The following ASGR2 variants were observed in gnomAD, a reference collection of about 807,000 sequenced individuals.
ASGR2 encodes the protein asialoglycoprotein receptor 2, also known as C-type lectin domain family 4 member H2.
A neutral mutation model predicts 32.3 loss-of-function variants in ASGR2; 34 were observed. The observed-to-expected ratio is 1.05, with a 90% confidence interval of 0.80 to 1.40. The LOEUF (loss-of-function observed/expected upper bound fraction) is 1.40. ASGR2 is among the 40% of genes most tolerant of loss of function. ASGR2 has a pLI of 0.00. For synonymous variants in ASGR2, 143 were observed against 150.0 expected, an observed-to-expected ratio of 0.95 and a Z score of 0.34; for missense variants, 385 against 386.4, an observed-to-expected ratio of 1.00 and a Z score of 0.03.
At position 7,108,970 on chromosome 17, in the gene ASGR2, G is replaced by T. The variant is rs1237575897; in HGVS notation, c.125-82C>A. The T allele has an allele frequency of 5.6e-6, 6 of 1,065,674 alleles. No homozygotes were observed. In the African/African-American group the frequency reaches 8.8e-5, roughly 16 times the overall value. The allele number at this position is 1,065,674 out of a possible 1,614,324, so 66.0% of individuals were successfully genotyped here. A position where few individuals can be genotyped will look rare whatever the true frequency, so the allele number is the denominator to read the frequency against. Reference sequence around the variant, plus strand: ...AGACAGGGCACCGAAGCCTGAGGAGGCATAACCTGGGCGGGGGGATTGGTT... The same window carrying T: ...AGACAGGGCACCGAAGCCTGAGGAGTCATAACCTGGGCGGGGGGATTGGTT... On this transcript the variant is annotated intron_variant, in intron 2 of 8. Coordinates refer to ENST00000691900, the MANE Select transcript of ASGR2 (RefSeq NM_001201352.2). The surrounding 1 kb of genome is among the most constrained non-coding windows in gnomAD (Gnocchi z 4.9).
intron 7 of ASGR2, among the ~76,000 whole-genome samples, chr17:7,103,799 A>G (rs1408562646): frequency 6.6e-6 from 1 of 152,110 alleles, no homozygotes; most frequent in African/African-American, 2.4e-5. Context: ...TTATTATTAT[A>G]CTTTAAGTTT....
chr17:7,108,492 G>T lies in ASGR2; in HGVS notation c.307C>A (p.Leu103Met). The change falls in exon 4 of 9, where the codon CTG becomes ATG. Residue 103 changes from leucine to methionine, a missense_variant. Physicochemically the swap from Leu to Met is conservative, Grantham distance 15. Transcript: ENST00000691900. The surrounding 1 kb of genome is among the most constrained non-coding windows in gnomAD (Gnocchi z 4.9). ...GTGCTGATTGCCTGGACCTCCGTCA[G>T]GGTGCTCGAGGAGAAGTTGCTGAAA... ...EAFSNFSSST[L>M]TEVQAISTHG... The T allele has an allele frequency of 1.2e-6, 2 of 1,608,532 alleles. No homozygotes were observed. The highest frequency in any genetic ancestry group is 1.7e-6 in the Non-Finnish European group (2 of 1,177,630).
chr17:7,111,795 G>C (rs1045062502), intron 2 of ASGR2, among the ~76,000 whole-genome samples: 1 of 151,264 alleles, frequency 6.6e-6, no homozygotes, highest in East Asian at 2.0e-4. Flanking sequence ...AGGTCGACAC[G>C]GGGGGAATCA....
At chr17:7,105,154 A>G (rs910076889) in intron 7 of ASGR2, among the ~76,000 whole-genome samples, 1 of 152,142 alleles carries the variant, frequency 6.6e-6, no homozygotes, top group Non-Finnish European at 1.5e-5. Flanking sequence ...AAGTTATACA[A>G]GTAATCACTG....
rs542808960 is a variant in ASGR2, at chr17:7,106,341, G to A, written c.648+659C>T. Among the ~76,000 whole-genome samples, 8 of 152,278 alleles carry A rather than the reference G, an allele frequency of 5.3e-5. No individual in the cohort carries two copies. The East Asian group carries it at 9.7e-4, about 18-fold the overall frequency. ...GGACACACGTTGGCTTCATAGTGAC[G>A]AAAGCACCGTCCACCACGAAGTTGT... On this transcript the variant is annotated intron_variant, in intron 7 of 8. Coordinates refer to ENST00000691900, the MANE Select transcript of ASGR2 (RefSeq NM_001201352.2).
At chr17:7,109,293 A>G (rs1914321831) in intron 2 of ASGR2, among the ~76,000 whole-genome samples, 1 of 152,100 alleles carries the variant, frequency 6.6e-6, no homozygotes, top group Non-Finnish European at 1.5e-5. Context: ...AGCCAGTGGC[A>G]GAGGCCTCCA....
intron 2 of ASGR2, among the ~76,000 whole-genome samples, chr17:7,112,394 G>A (rs1053845054): frequency 6.6e-6 from 1 of 151,944 alleles, no homozygotes; most frequent in African/African-American, 2.4e-5. Flanking sequence ...CCTTCAGACG[G>A]TCCCTCACTG....
At chr17:7,103,390 T>A (rs1187791729) in intron 7 of ASGR2, among the ~76,000 whole-genome samples, 2 of 152,158 alleles carry the variant, frequency 1.3e-5, no homozygotes, top group East Asian at 1.9e-4. Flanking sequence ...GGAGAGAAAG[T>A]GCCTGGAGAC....
Position 7,107,636 on chromosome 17 carries a change from TACACCACACTAC to T in ASGR2, c.409+188_409+199del, listed in dbSNP as rs1288936585. On this transcript the variant is annotated intron_variant, in intron 5 of 8. Coordinates refer to ENST00000691900, the MANE Select transcript of ASGR2 (RefSeq NM_001201352.2). The surrounding 1 kb of genome is among the most constrained non-coding windows in gnomAD (Gnocchi z 5.0). ...TGCATACACACACAACACACACATATACACCACACTACACACCACACACAGATCCATGACATA... is the reference window on the plus strand; with the variant it reads ...TGCATACACACACAACACACACATATACACCACACACAGATCCATGACATA... 1.4e-6 allele frequency: 1 copy of T among 718,090 alleles called. No homozygotes were observed. Among genetic ancestry groups the T allele is most frequent in the Admixed American group, 2.2e-5 (1 of 45,344 alleles). The allele number at this position is 718,090 out of a possible 1,614,324, so 44.5% of individuals were successfully genotyped here.
At chr17:7,104,879 G>C (rs1011886163) in intron 7 of ASGR2, among the ~76,000 whole-genome samples, 2 of 150,254 alleles carry the variant, frequency 1.3e-5, no homozygotes, top group African/African-American at 4.9e-5. Flanking sequence ...GGGATACTAA[G>C]ACAGGAGAAT....
Position 7,114,087 on chromosome 17 carries a change from G to C in ASGR2, c.124+30C>G. 1 of 1,613,374 alleles carries C rather than the reference G, an allele frequency of 6.2e-7. No individual in the cohort carries two copies. On this transcript the variant is annotated intron_variant, in intron 2 of 8. Transcript: ENST00000691900. This position sits in a 1 kb window ranked among gnomAD's most constrained non-coding sequence, Gnocchi z 4.5. ...AGCAATCATGAGCTGAGACAGAGGG[G>C]GAGCAAAGCCGCAGAAACTGCACAC... is the stretch of plus-strand genomic sequence containing the variant.
chr17:7,112,383 C>A (rs924419680), intron 2 of ASGR2, among the ~76,000 whole-genome samples: 1 of 151,934 alleles, frequency 6.6e-6, no homozygotes, highest in African/African-American at 2.4e-5. Flanking sequence ...TTTGCTACAT[C>A]CCTTCAGACG....
chr17:7,114,958 C>A (rs1055979961), upstream of ASGR2: 12 of 985,288 alleles, frequency 1.2e-5, 1 homozygote, highest in African/African-American at 2.1e-4. This position sits in a 1 kb window ranked among gnomAD's most constrained non-coding sequence, Gnocchi z 4.5. Flanking sequence ...CCACTCATTG[C>A]ACCATTTGGA....
Position 7,107,871 on chromosome 17 carries a change from G to C in ASGR2, c.374C>G (p.Ala125Gly). ...GTCCTGCTGCTGTTTCTCCAGCTTG[G>C]CTCCTAGGGATGTGATCTTGTCACC... ...SVGDKITSLGAKLEKQQQDLK... is the reference protein window; with the variant it reads ...SVGDKITSLGGKLEKQQQDLK... The change falls in exon 5 of 9, where the codon GCC becomes GGC. Residue 125 changes from alanine (A) to glycine (G), a missense_variant. Coordinates refer to ENST00000691900, the MANE Select transcript of ASGR2 (RefSeq NM_001201352.2). This position sits in a 1 kb window ranked among gnomAD's most constrained non-coding sequence, Gnocchi z 5.0. 6.2e-7 allele frequency: 1 copy of C among 1,612,796 alleles called. No homozygotes were observed. Among genetic ancestry groups the C allele is most frequent in the South Asian group, 1.1e-5 (1 of 91,060 alleles).
chr17:7,108,142 C>T lies in ASGR2; in HGVS notation c.338-235G>A, dbSNP rs1260372190. Among the ~76,000 whole-genome samples, 2 of 152,164 alleles carry T rather than the reference C, an allele frequency of 1.3e-5. No individual in the cohort carries two copies. The highest frequency in any genetic ancestry group is 2.4e-5 in the African/African-American group (1 of 41,430). The stretch of plus-strand genomic sequence containing the variant: ...GCCTCGCTCTGTCAGCACGGCTCAC[C>T]TGCGTGGCCGGGCCCCTCCCCACCT... On this transcript the variant is annotated intron_variant, in intron 4 of 8. Transcript: ENST00000691900. The surrounding 1 kb of genome is among the most constrained non-coding windows in gnomAD (Gnocchi z 4.9).
At position 7,114,119 on chromosome 17, in the gene ASGR2, T is replaced by C. The variant is rs1915160348; in HGVS notation, c.122A>G (p.Lys41Arg). The C allele has an allele frequency of 6.2e-7, 1 of 1,614,218 alleles. No individual in the cohort carries two copies. The highest frequency in any genetic ancestry group is 2.2e-5 in the East Asian group (1 of 44,890). ...LNPRRGNPFL[K>R]GPPPAQPLAQ... ...AGCCGCAGAAACTGCACACTTGCCT[T>C]TCAAAAATGGATTTCCTCTCCTGGG... is the stretch of plus-strand genomic sequence containing the variant. The change falls in exon 2 of 9, where the codon AAA (lysine) becomes AGA (arginine). Residue 41 changes from lysine (K) to arginine (R), a missense_variant and splice_region_variant. Physicochemically the swap from Lys to Arg is conservative, Grantham distance 26. Coordinates refer to ENST00000691900, the MANE Select transcript of ASGR2 (RefSeq NM_001201352.2). This position sits in a 1 kb window ranked among gnomAD's most constrained non-coding sequence, Gnocchi z 4.5.
At position 7,107,874 on chromosome 17, in the gene ASGR2, C is replaced by T. The variant is rs1488882875; in HGVS notation, c.371G>A (p.Gly124Glu). Residue 124 changes from glycine (G) to glutamate (E), a missense_variant, in exon 5 of 9, where the codon GGA becomes GAA. Gly to Glu is a moderately conservative substitution (Grantham distance 98, BLOSUM62 -2). Coordinates refer to ENST00000691900, the MANE Select transcript of ASGR2 (RefSeq NM_001201352.2). The surrounding 1 kb of genome is among the most constrained non-coding windows in gnomAD (Gnocchi z 5.0). ...CTGCTGCTGTTTCTCCAGCTTGGCT[C>T]CTAGGGATGTGATCTTGTCACCCAC... is the stretch of plus-strand genomic sequence containing the variant. ...GSVGDKITSL[G>E]AKLEKQQQDL... 2.1e-5 allele frequency: 34 copies of T among 1,613,468 alleles called. No individual in the cohort carries two copies. Among genetic ancestry groups the T allele is most frequent in the Admixed American group, 6.7e-5 (4 of 60,000 alleles).
At chr17:7,104,632 A>C (rs1418992056) in intron 7 of ASGR2, among the ~76,000 whole-genome samples, 16 of 146,990 alleles carry the variant, frequency 1.1e-4, no homozygotes, top group South Asian at 4.4e-4. Context: ...GCCTGGGCGA[A>C]AGAGCAAGTC....
rs1468151873 is a variant in ASGR2 at position 7,114,096 on chromosome 17, C to G, written c.124+21G>C. On this transcript the variant is annotated intron_variant, in intron 2 of 8. Transcript: ENST00000691900. The surrounding 1 kb of genome is among the most constrained non-coding windows in gnomAD (Gnocchi z 4.5). ...GAGCTGAGACAGAGGGGGAGCAAAG[C>G]CGCAGAAACTGCACACTTGCCTTTC... 10 of 1,613,676 alleles carry G rather than the reference C, an allele frequency of 6.2e-6. No homozygotes were observed. In the African/African-American group the frequency reaches 1.2e-4, roughly 19 times the overall value.
Sources: allele counts gnomAD v4.1 joint callset (sites outside exome capture counted in the v4.1 genomes callset), GRCh38; gene constraint gnomAD v4.1.1; non-coding constraint Gnocchi (gnomAD v3.1); transcripts MANE v1.5; gene names NCBI Gene and HGNC (gene_info 2026-07-23, HGNC 2026-07-21).